Variants in GRID2 observed in about 807,000 individuals in gnomAD.
GRID2 encodes the protein glutamate receptor ionotropic, delta-2.
A neutral mutation model predicts 114.8 loss-of-function variants in GRID2; 33 were observed. The ratio of observed to expected loss-of-function variants is 0.29; its 90% CI spans 0.22 to 0.38. The LOEUF is 0.38. GRID2 is among the 10% of genes least tolerant of loss of function. The pLI, the probability that GRID2 is intolerant of heterozygous loss-of-function variation, is 1.00. For missense variants in GRID2, 1,184 were observed against 1,257.7 expected, an observed-to-expected ratio of 0.94 and a Z score of 0.89; for synonymous variants, 505 against 449.9, an observed-to-expected ratio of 1.12 and a Z score of -1.55.
chr4:92,330,888 C>T (rs1344047686), intron 1 of GRID2, among the ~76,000 whole-genome samples: 3 of 151,942 alleles, frequency 2.0e-5, no homozygotes, highest in Non-Finnish European at 4.4e-5. Flanking sequence ...TGAAAATGAT[C>T]TCAAATTAGG....
intron 4 of GRID2, among the ~76,000 whole-genome samples, chr4:93,192,842 G>A (rs984435999): frequency 2.0e-5 from 3 of 150,990 alleles, no homozygotes; most frequent in African/African-American, 7.3e-5. Context: ...GGTGAAATGT[G>A]TCCATAAGAA....
intron 11 of GRID2, among the ~76,000 whole-genome samples, chr4:93,489,276 A>G (rs1726737920): frequency 6.6e-6 from 1 of 151,912 alleles, no homozygotes; most frequent in African/African-American, 2.4e-5. Context: ...ATTATAGAGG[A>G]GAAAATTTTA....
chr4:92,805,652 G>C lies in GRID2; in HGVS notation c.244+215366G>C, dbSNP rs187356395. Among the ~76,000 whole-genome samples the C allele has an allele frequency of 1.1e-4, 16 of 152,018 alleles. No individual in the cohort carries two copies. In the East Asian group the frequency reaches 2.5e-3, roughly 24 times the overall value. On this transcript the variant is annotated intron_variant, in intron 2 of 15. Transcript: ENST00000282020. ...TACGGTGTTTAAAGGAAGATGATTT[G>C]CTTGGTGCAGTGGCTCACGCTTGTA...
At chr4:93,292,904 C>T (rs927650657) in intron 8 of GRID2, among the ~76,000 whole-genome samples, 1 of 152,046 alleles carries the variant, frequency 6.6e-6, no homozygotes, top group African/African-American at 2.4e-5. Context: ...TAAAAACAGA[C>T]GGTTGGTGTG....
At chr4:92,411,518 T>C (rs903858058) in intron 1 of GRID2, among the ~76,000 whole-genome samples, 1 of 151,582 alleles carries the variant, frequency 6.6e-6, no homozygotes, top group Non-Finnish European at 1.5e-5. Flanking sequence ...TGATTTTTAA[T>C]AAATTCACTT....
At chr4:92,487,559 TCC>T (rs1722953796) in intron 1 of GRID2, among the ~76,000 whole-genome samples, 3 of 152,250 alleles carry the variant, frequency 2.0e-5, no homozygotes, top group Admixed American at 2.0e-4. Flanking sequence ...TTTCAACATA[TCC>T]AATAAATAAC....
At chr4:92,559,324 T>G (rs565011062) in intron 1 of GRID2, among the ~76,000 whole-genome samples, 5 of 152,310 alleles carry the variant, frequency 3.3e-5, no homozygotes, top group African/African-American at 1.2e-4. Context: ...TTTTTTCTTC[T>G]AATTACAGAA....
intron 8 of GRID2, among the ~76,000 whole-genome samples, chr4:93,244,531 T>C (rs1747948070): frequency 3.3e-5 from 1 of 30,114 alleles, no homozygotes; most frequent in Non-Finnish European, 5.9e-5. Flanking sequence ...TAATAGATTA[T>C]ATAATCTATT....
intron 13 of GRID2, among the ~76,000 whole-genome samples, chr4:93,572,743 G>A (rs1005448830): frequency 2.0e-5 from 3 of 151,844 alleles, no homozygotes; most frequent in Non-Finnish European, 2.9e-5. Context: ...TCAGGCACAC[G>A]ACCACACCCA....
At chr4:92,739,362 C>G (rs1736758866) in intron 2 of GRID2, among the ~76,000 whole-genome samples, 1 of 152,114 alleles carries the variant, frequency 6.6e-6, no homozygotes. Context: ...TAAAATTATA[C>G]ACAATGTGAG....
At chr4:93,031,180 G>C (rs774980976) in intron 2 of GRID2, among the ~76,000 whole-genome samples, 2 of 151,450 alleles carry the variant, frequency 1.3e-5, no homozygotes, top group Non-Finnish European at 2.9e-5. Context: ...CGAGTAGCTG[G>C]GACTATAGGC....
intron 1 of GRID2, among the ~76,000 whole-genome samples, chr4:92,347,849 TATA>T (rs1026155487): frequency 2.6e-5 from 4 of 152,104 alleles, no homozygotes; most frequent in Non-Finnish European, 5.9e-5. Context: ...AATATATGAA[TATA>T]ATATTATATT....
At chr4:93,031,422 T>C (rs1724428361) in intron 2 of GRID2, among the ~76,000 whole-genome samples, 1 of 152,196 alleles carries the variant, frequency 6.6e-6, no homozygotes, top group Non-Finnish European at 1.5e-5. Context: ...CTTCCCCTGC[T>C]GCCTGACACC....
At chr4:93,649,864 G>C (rs1261139991) in intron 14 of GRID2, among the ~76,000 whole-genome samples, 1 of 152,008 alleles carries the variant, frequency 6.6e-6, no homozygotes, top group Non-Finnish European at 1.5e-5. Context: ...AAAACATTAT[G>C]ATGTTCAGAA....
At chr4:92,434,756 G>A (rs1271184271) in intron 1 of GRID2, among the ~76,000 whole-genome samples, 5 of 151,930 alleles carry the variant, frequency 3.3e-5, no homozygotes, top group Non-Finnish European at 2.9e-5. Flanking sequence ...TTTTCCAAAA[G>A]GGAAATTAAT....
intron 2 of GRID2, among the ~76,000 whole-genome samples, chr4:92,827,260 G>A (rs934327311): frequency 1.1e-4 from 17 of 151,798 alleles, no homozygotes; most frequent in African/African-American, 2.4e-4. Context: ...TTATATTAAC[G>A]TTTAATGAAT....
At chr4:92,808,226 CATTT>C (rs1740507989) in intron 2 of GRID2, among the ~76,000 whole-genome samples, 2 of 152,070 alleles carry the variant, frequency 1.3e-5, no homozygotes, top group South Asian at 4.2e-4. Flanking sequence ...AGAGTTGAAA[CATTT>C]ATTTAACTCC....
intron 2 of GRID2, among the ~76,000 whole-genome samples, chr4:92,858,027 C>A (rs1744290029): frequency 6.6e-6 from 1 of 152,154 alleles, no homozygotes; most frequent in Non-Finnish European, 1.5e-5. Context: ...GCATGGTTTA[C>A]TGAGTATCTT....
chr4:92,926,494 A>T (rs1190005001), intron 2 of GRID2, among the ~76,000 whole-genome samples: 2 of 151,972 alleles, frequency 1.3e-5, no homozygotes, highest in Non-Finnish European at 2.9e-5. Flanking sequence ...ATTTTTAATG[A>T]TTTCTAAACA....
Sources: gnomAD v4.1 joint callset for allele counts (sites outside exome capture counted in the v4.1 genomes callset) on GRCh38, gnomAD v4.1.1 for gene constraint, MANE v1.5 for transcripts, NCBI Gene and HGNC (gene_info 2026-07-23, HGNC 2026-07-21) for gene names.